The following TBC1D22A variants were observed in gnomAD, a reference collection of about 807,000 sequenced individuals.
TBC1D22A encodes putative GTPase activator.
Under a neutral mutation model 60.2 loss-of-function variants are expected in TBC1D22A, and 38 were observed. That is an observed-to-expected ratio of 0.63 (90% CI 0.49 to 0.83). TBC1D22A has a LOEUF of 0.83. Ranked by LOEUF, TBC1D22A falls within the 40% of genes least tolerant of loss-of-function variation. The pLI is 0.00. For synonymous variants in TBC1D22A, 302 were observed against 281.7 expected (o/e 1.07, Z -0.72); for missense variants, 628 against 701.0 (o/e 0.90, Z 1.18).
At chr22:46,969,232 A>T (rs1474414314) in intron 8 of TBC1D22A, among the ~76,000 whole-genome samples, 1 of 152,234 alleles carries the variant, frequency 6.6e-6, no homozygotes, top group Non-Finnish European at 1.5e-5. Flanking sequence ...TGTTGCAGAA[A>T]TAACTGCTCA....
At chr22:47,012,462 G>A (rs192285381) in intron 10 of TBC1D22A, among the ~76,000 whole-genome samples, 13 of 152,242 alleles carry the variant, frequency 8.5e-5, no homozygotes, top group East Asian at 1.9e-4. Flanking sequence ...CCTCACTGTC[G>A]TCCTGGGCCC....
chr22:46,940,218 G>A (rs1167440127), intron 8 of TBC1D22A, among the ~76,000 whole-genome samples: 1 of 152,210 alleles, frequency 6.6e-6, no homozygotes, highest in East Asian at 1.9e-4. Flanking sequence ...TGTACATGCT[G>A]TTGGGAAAAT....
chr22:46,958,683 C>T (rs1602667508), intron 8 of TBC1D22A, among the ~76,000 whole-genome samples: 1 of 152,368 alleles, frequency 6.6e-6, no homozygotes, highest in Admixed American at 6.5e-5. Context: ...TTTCCCCCAG[C>T]TGCTGGAACA....
chr22:47,118,509 T>C (rs978334496), intron 12 of TBC1D22A, among the ~76,000 whole-genome samples: 7 of 152,164 alleles, frequency 4.6e-5, no homozygotes, highest in Admixed American at 2.0e-4. Flanking sequence ...GATTCAAAGA[T>C]GCAATGCTTT....
chr22:47,027,894 C>G (rs2062312153), intron 10 of TBC1D22A, among the ~76,000 whole-genome samples: 1 of 152,212 alleles, frequency 6.6e-6, no homozygotes, highest in Non-Finnish European at 1.5e-5. Flanking sequence ...CTTGTCCAGC[C>G]CACTCCTCCC....
intron 3 of TBC1D22A, among the ~76,000 whole-genome samples, chr22:46,794,872 C>G (rs1047518972): frequency 6.6e-6 from 1 of 152,180 alleles, no homozygotes; most frequent in Admixed American, 6.5e-5. Flanking sequence ...TCATAGGTAC[C>G]TCCCTCCAAG....
At chr22:47,124,737 C>T (rs2066393027) in intron 12 of TBC1D22A, among the ~76,000 whole-genome samples, 2 of 152,094 alleles carry the variant, frequency 1.3e-5, no homozygotes, top group South Asian at 2.1e-4. Flanking sequence ...CCTGGAGGAG[C>T]GTTGGGCCTT....
At chr22:46,993,582 A>G (rs1302002557) in intron 9 of TBC1D22A, among the ~76,000 whole-genome samples, 1 of 152,056 alleles carries the variant, frequency 6.6e-6, no homozygotes, top group Non-Finnish European at 1.5e-5. Flanking sequence ...CAGGTGTGGG[A>G]GGCGGGGTGC....
At chr22:47,116,715 C>G (rs1051503476) in intron 12 of TBC1D22A, 2 of 152,398 alleles carry the variant, frequency 1.3e-5, no homozygotes, top group African/African-American at 4.8e-5. Flanking sequence ...AGCCTGGGAG[C>G]CTTCACCTTT....
chr22:46,911,149 G>A (rs2069888793), intron 7 of TBC1D22A, among the ~76,000 whole-genome samples: 1 of 152,116 alleles, frequency 6.6e-6, no homozygotes, highest in Non-Finnish European at 1.5e-5. Context: ...CCCTCCTTAT[G>A]AGTGAAGATG....
intron 1 of TBC1D22A, chr22:46,774,204 G>C: frequency 4.1e-6 from 4 of 985,582 alleles, no homozygotes; most frequent in Non-Finnish European, 3.6e-6. Flanking sequence ...CAGGCTTGCT[G>C]TGCTCGGCAG....
At chr22:46,940,869 A>C (rs908507458) in intron 8 of TBC1D22A, among the ~76,000 whole-genome samples, 3 of 133,248 alleles carry the variant, frequency 2.3e-5, no homozygotes, top group Non-Finnish European at 3.2e-5. Context: ...CCACACACAC[A>C]GTCCACCCTT....
intron 12 of TBC1D22A, 89 bp downstream of exon 12, chr22:47,111,692 G>A: frequency 7.9e-7 from 1 of 1,264,230 alleles, no homozygotes; most frequent in Non-Finnish European, 1.1e-6. Context: ...GTTATTTGTG[G>A]AAGAGTTTTG....
intron 10 of TBC1D22A, among the ~76,000 whole-genome samples, chr22:47,000,992 A>G (rs1328666995): frequency 2.0e-5 from 3 of 152,160 alleles, no homozygotes; most frequent in African/African-American, 7.2e-5. Flanking sequence ...CTGATGCAGA[A>G]GAAAAATCAT....
At chr22:47,172,983 T>A (rs2068545686) in intron 12 of TBC1D22A, among the ~76,000 whole-genome samples, 1 of 152,204 alleles carries the variant, frequency 6.6e-6, no homozygotes, top group Non-Finnish European at 1.5e-5. Flanking sequence ...TGCACAGAAA[T>A]CTGTGCTTAG....
chr22:47,065,553 G>C lies in TBC1D22A; in HGVS notation c.1329+28355G>C, dbSNP rs975496300. Reference sequence around the variant, plus strand: ...CCTGCCCCTCCCCTGCCTGCCCTTGGGGGAGAGTTAAGAAACAAGTATTAG... The same window carrying C: ...CCTGCCCCTCCCCTGCCTGCCCTTGCGGGAGAGTTAAGAAACAAGTATTAG... On this transcript the variant is annotated intron_variant, in intron 11 of 12. Transcript: ENST00000337137. Among the ~76,000 whole-genome samples, 3 of 152,228 alleles carry C rather than the reference G, an allele frequency of 2.0e-5. 1 individual carries two copies. The highest frequency in any genetic ancestry group is 2.1e-4 in the South Asian group (1 of 4,834).
chr22:46,996,757 C>G (rs1194261154), intron 9 of TBC1D22A, among the ~76,000 whole-genome samples: 1 of 152,174 alleles, frequency 6.6e-6, no homozygotes, highest in African/African-American at 2.4e-5. Flanking sequence ...TCTTCATGTT[C>G]CTGCTGTGGG....
intron 12 of TBC1D22A, among the ~76,000 whole-genome samples, chr22:47,138,854 C>T (rs568426952): frequency 3.3e-5 from 5 of 152,328 alleles, no homozygotes; most frequent in East Asian, 1.9e-4. Context: ...AGGGGCCTCT[C>T]GGCGTCTCCT....
chr22:47,077,206 A>G (rs769589689), intron 11 of TBC1D22A, among the ~76,000 whole-genome samples: 9 of 152,212 alleles, frequency 5.9e-5, no homozygotes, highest in Non-Finnish European at 8.8e-5. Context: ...ACTTGGCCAC[A>G]TCATTCCACT....
Sources: gnomAD v4.1 joint callset for allele counts (sites outside exome capture counted in the v4.1 genomes callset) on GRCh38, gnomAD v4.1.1 for gene constraint, MANE v1.5 for transcripts, NCBI Gene and HGNC (gene_info 2026-07-23, HGNC 2026-07-21) for gene names.